Variants in CFAP54 observed in about 807,000 individuals in gnomAD.
The protein encoded by CFAP54 is cilia- and flagella-associated protein 54.
Under a neutral mutation model 370.4 loss-of-function variants are expected in CFAP54, and 290 were observed. That is an observed-to-expected ratio of 0.78 (90% CI 0.71 to 0.86). The LOEUF (loss-of-function observed/expected upper bound fraction) is 0.86, where lower values mean the gene tolerates loss of function less well. Among genes scored for constraint, CFAP54 ranks in the 40% least tolerant of loss-of-function variants. CFAP54 has a pLI of 0.00. For synonymous variants in CFAP54, 1,206 were observed against 1,236.5 expected (o/e 0.98, Z 0.52); for missense variants, 3,399 against 3,528.7 (o/e 0.96, Z 0.93).
intron 44 of CFAP54, among the ~76,000 whole-genome samples, chr12:96,692,888 T>G (rs1374248206): frequency 6.6e-6 from 1 of 152,212 alleles, no homozygotes; most frequent in African/African-American, 2.4e-5. Flanking sequence ...CCACTCCATC[T>G]TCCTTTGGCA....
rs1177468592 is a variant in CFAP54 at position 96,708,792 on chromosome 12, C to T, written c.6713C>T (p.Pro2238Leu). The change falls in exon 48 of 68, where the codon CCA becomes CTA. Residue 2238 changes from proline (P) to leucine (L), a missense_variant. Transcript: ENST00000524981. ...ACCAACAAGAGCAAACCAAACCTAC[C>T]AAACTTGGAAGGTAATTGTTTTATT... is the stretch of plus-strand genomic sequence containing the variant. ...VITNKSKPNL[P>L]NLEEIYSKDD... 1 of 1,593,844 alleles carries T rather than the reference C, an allele frequency of 6.3e-7. No homozygotes were observed. Among genetic ancestry groups the T allele is most frequent in the Admixed American group, 1.8e-5 (1 of 56,260 alleles).
At chr12:96,500,431 C>G (rs1294653772) in intron 1 of CFAP54, among the ~76,000 whole-genome samples, 1 of 152,118 alleles carries the variant, frequency 6.6e-6, no homozygotes, top group Non-Finnish European at 1.5e-5. Flanking sequence ...ACAGTGAACC[C>G]TAAACTATGG....
At chr12:96,692,401 G>GT (rs5800267) in intron 44 of CFAP54, among the ~76,000 whole-genome samples, 1 of 151,318 alleles carries the variant, frequency 6.6e-6, no homozygotes, top group Non-Finnish European at 1.5e-5. Flanking sequence ...AAGAAATGAG[G>GT]TTTTTTTTTT....
chr12:96,718,325 C>T, intron 48 of CFAP54, 118 bp from the exon 49 acceptor site: 1 of 612,850 alleles, frequency 1.6e-6, no homozygotes, highest in Non-Finnish European at 3.0e-6. Flanking sequence ...TGCCACTGTG[C>T]TCCAGCCTGG....
Position 96,795,005 on chromosome 12 carries a change from T to G in CFAP54, c.8850+2506T>G, listed in dbSNP as rs563383715. ...AGAACTGAACTGCAGTGATTGTTAT[T>G]TCTCTTCTGGGTCTAGGCACCCATC... On this transcript the variant is annotated intron_variant, in intron 63 of 67. Coordinates refer to ENST00000524981, the MANE Select transcript of CFAP54 (RefSeq NM_001306084.2). Among the ~76,000 whole-genome samples, 29 of 152,280 alleles carry G rather than the reference T, an allele frequency of 1.9e-4. 1 individual carries two copies. In the South Asian group the frequency reaches 6.0e-3, roughly 32 times the overall value.
chr12:96,728,704 G>A lies in CFAP54; in HGVS notation c.6965+8139G>A, dbSNP rs1460535418. 3.9e-5 allele frequency among the ~76,000 whole-genome samples: 6 copies of A among 152,292 alleles called. No homozygotes were observed. In the East Asian group the frequency reaches 9.6e-4, roughly 24 times the overall value. ...TCAAAGTCATTCTCCGTCCAGCTTTGTTCCGTTGCTGGTGAGTAACTGTGT... is the reference window on the plus strand; with the variant it reads ...TCAAAGTCATTCTCCGTCCAGCTTTATTCCGTTGCTGGTGAGTAACTGTGT... On this transcript the variant is annotated intron_variant, in intron 50 of 67. Coordinates refer to ENST00000524981, the MANE Select transcript of CFAP54 (RefSeq NM_001306084.2).
intron 17 of CFAP54, 76 bp downstream of exon 17, chr12:96,554,878 A>C: frequency 7.7e-7 from 1 of 1,305,536 alleles, no homozygotes; most frequent in Non-Finnish European, 9.9e-7. Context: ...ATTTAATTTG[A>C]AAACTGTGTT....
Position 96,688,970 on chromosome 12 carries a change from G to T in CFAP54, c.6069G>T (p.Ala2023=). 6.3e-7 allele frequency: 1 copy of T among 1,575,966 alleles called. No homozygotes were observed. Among genetic ancestry groups the T allele is most frequent in the African/African-American group, 1.4e-5 (1 of 73,004 alleles). ...EKKTDCCILS[A]LLFQGLLRTT... ...AAACTGACTGTTGCATTTTGTCTGCGTTACTCTTTCAGGTAACACTCTATG... is the reference window on the plus strand; with the variant it reads ...AAACTGACTGTTGCATTTTGTCTGCTTTACTCTTTCAGGTAACACTCTATG... The change falls in exon 43 of 68, where the codon GCG becomes GCT. Residue 2023 remains alanine, a synonymous_variant. Coordinates refer to ENST00000524981, the MANE Select transcript of CFAP54 (RefSeq NM_001306084.2).
rs535934513 is a variant in CFAP54 at position 96,592,032 on chromosome 12, C to T, written c.3213-458C>T. 1.8e-4 allele frequency among the ~76,000 whole-genome samples: 27 copies of T among 151,976 alleles called. 1 individual carries two copies. The East Asian group carries it at 4.8e-3, about 27-fold the overall frequency. On this transcript the variant is annotated intron_variant, in intron 23 of 67. Coordinates refer to ENST00000524981, the MANE Select transcript of CFAP54 (RefSeq NM_001306084.2). The stretch of plus-strand genomic sequence containing the variant: ...ATGAATTTGTACTGAAGCCCAGCTC[C>T]TAGTGGCTAAAGATTCCATTTGATT...
intron 1 of CFAP54, among the ~76,000 whole-genome samples, chr12:96,493,137 A>C (rs1592810828): frequency 6.6e-6 from 1 of 152,360 alleles, no homozygotes; most frequent in East Asian, 1.9e-4. Flanking sequence ...CATTGGATTG[A>C]CATGTGCCTT....
Position 96,737,432 on chromosome 12 carries a change from A to G in CFAP54, c.6966-2524A>G, listed in dbSNP as rs144866107. On this transcript the variant is annotated intron_variant, in intron 50 of 67. Transcript: ENST00000524981. ...GGAGAGAATTTCTGTGGCCAATGTT[A>G]GCACAATATTTTCAGTTTTTAATAG... Among the ~76,000 whole-genome samples, 160 of 150,534 alleles carry G rather than the reference A, an allele frequency of 1.1e-3. No homozygotes were observed. The East Asian group carries it at 0.029, about 27-fold the overall frequency.
At chr12:96,506,341 A>C (rs1384766765) in intron 3 of CFAP54, among the ~76,000 whole-genome samples, 1 of 151,460 alleles carries the variant, frequency 6.6e-6, no homozygotes. Flanking sequence ...CCGTCTCAAA[A>C]AAAAAAAAAA....
intron 19 of CFAP54, among the ~76,000 whole-genome samples, chr12:96,574,076 G>C (rs951393276): frequency 3.3e-5 from 5 of 152,074 alleles, no homozygotes; most frequent in African/African-American, 9.7e-5. Flanking sequence ...TTTCGACCAG[G>C]CTTCATTATT....
intron 26 of CFAP54, 140 bp from the exon 27 acceptor site, chr12:96,621,449 CT>C (rs35114934): frequency 0.44 from 233,466 of 524,786 alleles, 53,597 homozygotes; most frequent in Admixed American, 0.53. Flanking sequence ...TGGAGGTAAA[CT>C]TACGGTTTTT....
At chr12:96,529,575 T>A (rs1955418694) in intron 9 of CFAP54, among the ~76,000 whole-genome samples, 1 of 152,220 alleles carries the variant, frequency 6.6e-6, no homozygotes, top group Admixed American at 6.5e-5. Context: ...GGTGTTGCAG[T>A]ATAAACTTAA....
At chr12:96,627,611 A>G (rs1956561470) in intron 30 of CFAP54, among the ~76,000 whole-genome samples, 2 of 152,226 alleles carry the variant, frequency 1.3e-5, no homozygotes, top group African/African-American at 4.8e-5. Context: ...TTAAAAACAT[A>G]TAGAAAGATT....
intron 17 of CFAP54, among the ~76,000 whole-genome samples, chr12:96,560,321 A>G (rs571221744): frequency 3.3e-5 from 5 of 151,992 alleles, no homozygotes; most frequent in Admixed American, 2.6e-4. Flanking sequence ...TCGACTCTCT[A>G]CCTCCATGAG....
chr12:96,530,135 T>C (rs937937858), intron 9 of CFAP54, among the ~76,000 whole-genome samples: 1 of 152,304 alleles, frequency 6.6e-6, no homozygotes, highest in Non-Finnish European at 1.5e-5. Context: ...TGGCCGTATG[T>C]GTGTTGTCTG....
At chr12:96,594,617 G>A (rs184103041) in intron 25 of CFAP54, among the ~76,000 whole-genome samples, 171 bp downstream of exon 25, 5 of 152,044 alleles carry the variant, frequency 3.3e-5, no homozygotes, top group Admixed American at 1.3e-4. Context: ...ATATGTCTGG[G>A]CACATATAGA....
Sources: gnomAD v4.1 joint callset for allele counts (sites outside exome capture counted in the v4.1 genomes callset) on GRCh38, gnomAD v4.1.1 for gene constraint, MANE v1.5 for transcripts, NCBI Gene and HGNC (gene_info 2026-07-23, HGNC 2026-07-21) for gene names.